Variants in PCDHGB1 observed in about 807,000 individuals in gnomAD.
PCDHGB1 encodes the protein protocadherin gamma subfamily B, 1.
A neutral mutation model predicts 56.6 loss-of-function variants in PCDHGB1; 34 were observed. The observed-to-expected ratio is 0.60, with a 90% confidence interval of 0.46 to 0.80. PCDHGB1 has a LOEUF of 0.80. Among genes scored for constraint, PCDHGB1 ranks in the 30% least tolerant of loss-of-function variants. The probability of loss-of-function intolerance (pLI) is 0.00; values close to 1 mark genes in which losing one functional copy is unlikely to be tolerated. For missense variants in PCDHGB1, 1,278 were observed against 1,204.6 expected (o/e 1.06, Z -0.90); for synonymous variants, 561 against 505.9 (o/e 1.11, Z -1.46).
chr5:141,510,553 A>C (rs1471878583), intron 3 of PCDHGB1, among the ~76,000 whole-genome samples: 1 of 152,162 alleles, frequency 6.6e-6, no homozygotes, highest in African/African-American at 2.4e-5. Context: ...TGTTTTGAGC[A>C]CTTACATCTA....
At chr5:141,398,611 A>C (rs2093677658) in intron 1 of PCDHGB1, 3 of 1,613,944 alleles carry the variant, frequency 1.9e-6, no homozygotes, top group Non-Finnish European at 2.5e-6. Flanking sequence ...AGATGCAGAT[A>C]TTGGCTTAAA....
chr5:141,419,699 C>A (rs1488905080), intron 1 of PCDHGB1: 1 of 1,612,924 alleles, frequency 6.2e-7, no homozygotes. Context: ...GGCCAGTGAG[C>A]CCGGGCTCTT....
At chr5:141,355,698 C>T (rs781213427) in intron 1 of PCDHGB1, 1 of 1,613,810 alleles carries the variant, frequency 6.2e-7, no homozygotes, top group Non-Finnish European at 8.5e-7. Flanking sequence ...GTGTAAACTC[C>T]CTGCAGGGTT....
intron 1 of PCDHGB1, chr5:141,361,827 C>A: frequency 6.2e-7 from 1 of 1,612,982 alleles, no homozygotes. Flanking sequence ...GGGTGCTGTA[C>A]CCCGCGCTGG....
At chr5:141,423,169 C>G (rs747206648) in intron 1 of PCDHGB1, 2 of 1,613,460 alleles carry the variant, frequency 1.2e-6, no homozygotes, top group Admixed American at 3.3e-5. Context: ...GGTGGCCGTC[C>G]AGGACCACGG....
At position 141,371,231 on chromosome 5, in the gene PCDHGB1, T is replaced by C. The variant is rs770415345; in HGVS notation, c.2409+18562T>C. 5.6e-6 allele frequency: 9 copies of C among 1,613,934 alleles called. No homozygotes were observed. In the African/African-American group the frequency reaches 6.7e-5, roughly 12 times the overall value. ...AGGGCATCAATGCCGAAATCATCTA[T>C]GCCTTCATCAATATTGGCAAGGAAG... On this transcript the variant is annotated intron_variant, in intron 1 of 3. Coordinates refer to ENST00000523390, the MANE Select transcript of PCDHGB1 (RefSeq NM_018922.3).
At chr5:141,423,139 G>T (rs2096713828) in intron 1 of PCDHGB1, 4 of 1,613,498 alleles carry the variant, frequency 2.5e-6, no homozygotes, top group Non-Finnish European at 3.4e-6. Flanking sequence ...GGACAGAGAC[G>T]CGCTCAAGCA....
chr5:141,426,596 C>T (rs1408090148), intron 1 of PCDHGB1: 9 of 377,102 alleles, frequency 2.4e-5, no homozygotes, highest in Middle Eastern at 3.9e-4. Context: ...GTGTCATACC[C>T]TTAGAGATTG....
In PCDHGB1 at chr5:141,366,140, C is replaced by T. The variant is rs564608784; in HGVS notation, c.2409+13471C>T. 1.8e-5 allele frequency: 29 copies of T among 1,614,182 alleles called. No homozygotes were observed. The East Asian group carries it at 5.6e-4, about 31-fold the overall frequency. ...CAAAGATTCAGGCCAGAACGCCTGG[C>T]TGTCCTACCGCCTGCTTAAGGCCAG... On this transcript the variant is annotated intron_variant, in intron 1 of 3. Coordinates refer to ENST00000523390, the MANE Select transcript of PCDHGB1 (RefSeq NM_018922.3).
chr5:141,439,618 C>T (rs964445098), intron 1 of PCDHGB1, among the ~76,000 whole-genome samples: 2 of 152,178 alleles, frequency 1.3e-5, no homozygotes, highest in East Asian at 3.8e-4. Context: ...GATAAATGAG[C>T]CAATCCCCAG....
rs771411620 is a variant in PCDHGB1, at chr5:141,485,551, G to A, written c.2410-9256G>A. ...GAGCAGAGGTAGAGATCGTAGATGT[G>A]AATGATCACGCCCCCCGTTTTCCGC... On this transcript the variant is annotated intron_variant, in intron 1 of 3. Transcript: ENST00000523390. This position sits in a 1 kb window ranked among gnomAD's most constrained non-coding sequence, Gnocchi z 5.7. 1.9e-6 allele frequency: 3 copies of A among 1,613,958 alleles called. No individual in the cohort carries two copies. Among genetic ancestry groups the A allele is most frequent in the Admixed American group, 1.7e-5 (1 of 60,006 alleles).
At chr5:141,425,842 T>G (rs2096897830) in intron 1 of PCDHGB1, among the ~76,000 whole-genome samples, 1 of 152,230 alleles carries the variant, frequency 6.6e-6, no homozygotes, top group Non-Finnish European at 1.5e-5. Context: ...TTCTCTTTGC[T>G]GGGTTAATGA....
At position 141,351,420 on chromosome 5, in the gene PCDHGB1, C is replaced by G. The variant is rs779349797; in HGVS notation, c.1160C>G (p.Pro387Arg). 1.9e-6 allele frequency: 3 copies of G among 1,611,526 alleles called. No homozygotes were observed. The highest frequency in any genetic ancestry group is 1.7e-6 in the Non-Finnish European group (2 of 1,178,640). The change falls in exon 1 of 4, where the codon CCT becomes CGT. Residue 387 changes from proline to arginine, a missense_variant. Physicochemically the swap from Pro to Arg is moderately radical, Grantham distance 103. Coordinates refer to ENST00000523390, the MANE Select transcript of PCDHGB1 (RefSeq NM_018922.3). ...MVTCYTQEEV[P>R]FKLESTSKNY... is the part of the protein sequence containing the mutation. ...ACATGCTATACTCAGGAAGAAGTTCCTTTCAAATTAGAATCCACCTCGAAG... is the reference window on the plus strand; with the variant it reads ...ACATGCTATACTCAGGAAGAAGTTCGTTTCAAATTAGAATCCACCTCGAAG...
At position 141,497,209 on chromosome 5, in the gene PCDHGB1, T is replaced by TG. The variant is rs11343387; in HGVS notation, c.2468+2353dup. On this transcript the variant is annotated intron_variant, in intron 2 of 3. Coordinates refer to ENST00000523390, the MANE Select transcript of PCDHGB1 (RefSeq NM_018922.3). ...GAGGCAGAGAACAATGTGAGTGTAA[T>TG]GGGGGGGGGAAGATCAGAGAAGGCT... Among the ~76,000 whole-genome samples the TG allele has an allele frequency of 1.3e-3, 196 of 151,342 alleles. 1 individual carries two copies. The South Asian group carries it at 0.02, about 15-fold the overall frequency.
intron 1 of PCDHGB1, chr5:141,355,283 C>T: frequency 6.2e-7 from 1 of 1,613,722 alleles, no homozygotes; most frequent in East Asian, 2.2e-5. Flanking sequence ...GAAATCAGGG[C>T]CGAACAGATT....
chr5:141,440,077 C>T (rs983267885), intron 1 of PCDHGB1: 1 of 152,424 alleles, frequency 6.6e-6, no homozygotes, highest in Non-Finnish European at 1.5e-5. Flanking sequence ...AGGAATAATA[C>T]TTCATTCTAA....
At chr5:141,400,514 A>T in intron 1 of PCDHGB1, 1 of 1,613,950 alleles carries the variant, frequency 6.2e-7, no homozygotes, top group South Asian at 1.1e-5. Context: ...TCGACTTCCC[A>T]TCCTGAGTTG....
chr5:141,412,415 T>C (rs897201034), intron 1 of PCDHGB1: 5 of 152,248 alleles, frequency 3.3e-5, no homozygotes, highest in Non-Finnish European at 4.4e-5. Context: ...AGATAAAGTA[T>C]GTTTTACACA....
At chr5:141,434,713 T>C (rs1377558306) in intron 1 of PCDHGB1, among the ~76,000 whole-genome samples, 1 of 152,088 alleles carries the variant, frequency 6.6e-6, no homozygotes, top group Non-Finnish European at 1.5e-5. Flanking sequence ...GGTAAATCTC[T>C]GTTCAGGGCT....
Sources: gnomAD v4.1 joint callset for allele counts (sites outside exome capture counted in the v4.1 genomes callset) on GRCh38, gnomAD v4.1.1 for gene constraint, Gnocchi (gnomAD v3.1) non-coding constraint, MANE v1.5 for transcripts, NCBI Gene and HGNC (gene_info 2026-07-23, HGNC 2026-07-21) for gene names.